The following TELO2 variants were observed in gnomAD, a reference collection of about 807,000 sequenced individuals.
The protein encoded by TELO2 is telomere length regulation protein TEL2 homolog.
Under a neutral mutation model 91.0 loss-of-function variants are expected in TELO2, and 71 were observed. That is an observed-to-expected ratio of 0.78 (90% CI 0.64 to 0.95). TELO2 has a LOEUF of 0.95. Ranked by LOEUF, TELO2 falls within the 40% of genes least tolerant of loss-of-function variation. TELO2 has a pLI of 0.00. For missense variants in TELO2, 1,183 were observed against 1,141.3 expected (o/e 1.04, Z -0.53); for synonymous variants, 584 against 518.9 (o/e 1.13, Z -1.71).
rs114292721 is a variant in TELO2, at chr16:1,503,897, C to A, written c.1842+895C>A. Among the ~76,000 whole-genome samples, 714 of 151,452 alleles carry A rather than the reference C, an allele frequency of 4.7e-3. 9 individuals carry two copies. The highest frequency in any genetic ancestry group is 0.016 in the African/African-American group (672 of 41,244). On this transcript the variant is annotated intron_variant, in intron 15 of 20. Coordinates refer to ENST00000262319, the MANE Select transcript of TELO2 (RefSeq NM_016111.4). ...CTGTCATCCCAGTGCTGTGGGAGAC[C>A]AAAGTGGGAGGATTGCTCAAGCCCA...
intron 18 of TELO2, 28 bp from the exon 19 acceptor site, chr16:1,507,278 C>A: frequency 6.2e-7 from 1 of 1,604,582 alleles, no homozygotes; most frequent in East Asian, 2.2e-5. Context: ...GTCGGGACCC[C>A]ACTGACTGTC....
In TELO2 at chr16:1,497,389, G is replaced by C; in HGVS notation, c.711G>C (p.Arg237=). ...QQEILGVLVP[R]LAALTQGSYL... is the part of the protein sequence containing the mutation. ...AGATCCTGGGCGTGCTGGTACCCCG[G>C]CTGGCAGCGCTCACCCAGGGCAGCT... The change falls in exon 5 of 21, where the codon CGG becomes CGC. Residue 237 remains arginine, a synonymous_variant. Transcript: ENST00000262319. The surrounding 1 kb of genome is among the most constrained non-coding windows in gnomAD (Gnocchi z 4.0). The C allele has an allele frequency of 1.3e-6, 2 of 1,549,786 alleles. No individual in the cohort carries two copies. The highest frequency in any genetic ancestry group is 1.7e-6 in the Non-Finnish European group (2 of 1,146,906).
intron 5 of TELO2, 118 bp from the exon 6 acceptor site, chr16:1,499,113 G>A (rs1245678426): frequency 1.0e-6 from 1 of 961,124 alleles, no homozygotes; most frequent in Non-Finnish European, 1.6e-6. Flanking sequence ...AGAGGCTCGT[G>A]GCTAGGAATT....
chr16:1,506,273 C>A lies in TELO2; in HGVS notation c.2070C>A (p.Ser690Arg). The A allele has an allele frequency of 6.2e-7, 1 of 1,613,894 alleles. No homozygotes were observed. The highest frequency in any genetic ancestry group is 1.1e-5 in the South Asian group (1 of 91,084). ...GGCAGGGCCCGGCAGGCAGCCCCAG[C>A]AGATTCAACTCCGTGGCCGGCCACT... ...GPRQGPAGSP[S>R]RFNSVAGHFF... The change falls in exon 17 of 21, where the codon AGC becomes AGA. Residue 690 changes from serine to arginine, a missense_variant. Ser to Arg is a moderately radical substitution (Grantham distance 110). Transcript: ENST00000262319.
Position 1,495,634 on chromosome 16 carries a change from G to A in TELO2, c.613+11G>A, listed in dbSNP as rs1444429541. On this transcript the variant is annotated intron_variant, in intron 3 of 20. Transcript: ENST00000262319. Reference sequence around the variant, plus strand: ...TGGACTCTCTCCAAGGTGAGGCCCTGCCTCGGGGACCCCCTTTGCCACCCG... The same window carrying A: ...TGGACTCTCTCCAAGGTGAGGCCCTACCTCGGGGACCCCCTTTGCCACCCG... 1.3e-6 allele frequency: 2 copies of A among 1,574,178 alleles called. No individual in the cohort carries two copies. Among genetic ancestry groups the A allele is most frequent in the Admixed American group, 1.7e-5 (1 of 57,392 alleles).
rs2039632485 is a variant in TELO2 at position 1,500,346 on chromosome 16, G to A, written c.1003-1G>A. 1 of 1,585,564 alleles carries A rather than the reference G, an allele frequency of 6.3e-7. No individual in the cohort carries two copies. The highest frequency in any genetic ancestry group is 1.1e-5 in the South Asian group (1 of 88,018). Reference sequence around the variant, plus strand: ...ACAGTCGTGGGCCATGCCACCTGCAGGTGCTGAAGGAGCTGTTGGAGACGT... The same window carrying A: ...ACAGTCGTGGGCCATGCCACCTGCAAGTGCTGAAGGAGCTGTTGGAGACGT... On this transcript the variant is annotated splice_acceptor_variant, in intron 7 of 20. Transcript: ENST00000262319. LOFTEE classifies it high-confidence loss of function.
chr16:1,503,732 G>C (rs894159543), intron 15 of TELO2, among the ~76,000 whole-genome samples: 1 of 152,166 alleles, frequency 6.6e-6, no homozygotes, highest in East Asian at 1.9e-4. Flanking sequence ...AGGGTTTCAC[G>C]GGGACAGTTT....
chr16:1,495,231 C>T (rs543086845), intron 2 of TELO2, 115 bp from the exon 3 acceptor site: 67 of 1,389,406 alleles, frequency 4.8e-5, no homozygotes, highest in East Asian at 1.5e-4. Flanking sequence ...TTGGACTTCA[C>T]GCTGGTTATG....
chr16:1,497,316 G>C lies in TELO2; in HGVS notation c.683-45G>C. The C allele has an allele frequency of 6.6e-7, 1 of 1,512,024 alleles. No individual in the cohort carries two copies. The allele number at this position is 1,512,024 out of a possible 1,614,324, so 93.7% of individuals were successfully genotyped here. A position where few individuals can be genotyped will look rare whatever the true frequency, so the allele number is the denominator to read the frequency against. ...GGACCCACACAGCCCCAGACACCAG[G>C]TGGGTGCAGCTCCCCAGGCTCAGGT... On this transcript the variant is annotated intron_variant, in intron 4 of 20. Transcript: ENST00000262319. The surrounding 1 kb of genome is among the most constrained non-coding windows in gnomAD (Gnocchi z 4.0).
At position 1,507,354 on chromosome 16, in the gene TELO2, C is replaced by A; in HGVS notation, c.2275C>A (p.Arg759Ser). 6.2e-7 allele frequency: 1 copy of A among 1,611,040 alleles called. No individual in the cohort carries two copies. Among genetic ancestry groups the A allele is most frequent in the Non-Finnish European group, 8.5e-7 (1 of 1,179,920 alleles). The change falls in exon 19 of 21, where the codon CGC becomes AGC. Residue 759 changes from arginine to serine, a missense_variant. Physicochemically the swap from Arg to Ser is moderately radical, Grantham distance 110 (BLOSUM62 -1). Coordinates refer to ENST00000262319, the MANE Select transcript of TELO2 (RefSeq NM_016111.4). ...CCTGCTGGAATTCGTGTGGGCCCTT[C>A]GCTTCCACATCGATGCGTGAGTGGC... is the stretch of plus-strand genomic sequence containing the variant. ...KALLEFVWAL[R>S]FHIDAYVRQG...
chr16:1,500,504 G>T lies in TELO2; in HGVS notation c.1144+16G>T. Reference sequence around the variant, plus strand: ...AGCCGGGATGGTGAGCGGGTGGTTTGGGCTCCCCCCGGCCTCGGGCGCCCC... The same window carrying T: ...AGCCGGGATGGTGAGCGGGTGGTTTTGGCTCCCCCCGGCCTCGGGCGCCCC... On this transcript the variant is annotated intron_variant, in intron 8 of 20. Coordinates refer to ENST00000262319, the MANE Select transcript of TELO2 (RefSeq NM_016111.4). 2 of 1,609,718 alleles carry T rather than the reference G, an allele frequency of 1.2e-6. No homozygotes were observed. Among genetic ancestry groups the T allele is most frequent in the East Asian group, 2.2e-5 (1 of 44,750 alleles).
Position 1,495,635 on chromosome 16 carries a change from C to T in TELO2, c.613+12C>T, listed in dbSNP as rs1280265940. 3.2e-6 allele frequency: 5 copies of T among 1,571,898 alleles called. No individual in the cohort carries two copies. The highest frequency in any genetic ancestry group is 1.8e-5 in the Admixed American group (1 of 57,120). On this transcript the variant is annotated intron_variant, in intron 3 of 20. Coordinates refer to ENST00000262319, the MANE Select transcript of TELO2 (RefSeq NM_016111.4). ...GGACTCTCTCCAAGGTGAGGCCCTG[C>T]CTCGGGGACCCCCTTTGCCACCCGT...
At chr16:1,506,180 G>A in intron 16 of TELO2, 58 bp from the exon 17 acceptor site, 1 of 1,577,846 alleles carries the variant, frequency 6.3e-7, no homozygotes, top group Non-Finnish European at 8.7e-7. Flanking sequence ...CGGGCTAGGG[G>A]TGCCGTGCCC....
chr16:1,497,388 G>C lies in TELO2; in HGVS notation c.710G>C (p.Arg237Pro), dbSNP rs778209728. Residue 237 changes from arginine (R) to proline (P), a missense_variant, in exon 5 of 21, where the codon CGG (arginine) becomes CCG (proline). Coordinates refer to ENST00000262319, the MANE Select transcript of TELO2 (RefSeq NM_016111.4). The surrounding 1 kb of genome is among the most constrained non-coding windows in gnomAD (Gnocchi z 4.0). ...QQEILGVLVP[R>P]LAALTQGSYL... ...GAGATCCTGGGCGTGCTGGTACCCC[G>C]GCTGGCAGCGCTCACCCAGGGCAGC... The C allele has an allele frequency of 6.5e-7, 1 of 1,549,716 alleles. No homozygotes were observed. Among genetic ancestry groups the C allele is most frequent in the South Asian group, 1.2e-5 (1 of 83,954 alleles).
In TELO2 at chr16:1,495,399, A is replaced by C. The variant is rs1324666317; in HGVS notation, c.389A>C (p.Glu130Ala). Residue 130 changes from glutamate (E) to alanine (A), a missense_variant, in exon 3 of 21, where the codon GAG (glutamate) becomes GCG (alanine). Physicochemically the swap from Glu to Ala is moderately radical, Grantham distance 107. Transcript: ENST00000262319. Reference protein sequence around the residue: ...MARLLARFLREGRLAVLMEAQ... With the variant: ...MARLLARFLRAGRLAVLMEAQ... ...CGGCTGCTGGCCAGATTCCTGCGCGAGGGCCGGCTGGCAGTGCTGATGGAG... is the reference window on the plus strand; with the variant it reads ...CGGCTGCTGGCCAGATTCCTGCGCGCGGGCCGGCTGGCAGTGCTGATGGAG... 6.3e-7 allele frequency: 1 copy of C among 1,582,952 alleles called. No homozygotes were observed. The highest frequency in any genetic ancestry group is 1.8e-5 in the Admixed American group (1 of 55,278).
chr16:1,495,725 C>G lies in TELO2; in HGVS notation c.613+102C>G. ...ACGGCCTCTGGAGACTTTGGAGTCT[C>G]TGGTTGATGCCGTCAGGCAGGTGGG... On this transcript the variant is annotated intron_variant, in intron 3 of 20. Coordinates refer to ENST00000262319, the MANE Select transcript of TELO2 (RefSeq NM_016111.4). 4.8e-6 allele frequency: 7 copies of G among 1,450,722 alleles called. No individual in the cohort carries two copies. The South Asian group carries it at 8.2e-5, about 17-fold the overall frequency. The allele number at this position is 1,450,722 out of a possible 1,614,324, so 89.9% of individuals were successfully genotyped here. A position where few individuals can be genotyped will look rare whatever the true frequency, so the allele number is the denominator to read the frequency against.
At chr16:1,499,570 C>T (rs945017630) in intron 6 of TELO2, among the ~76,000 whole-genome samples, 8 of 149,802 alleles carry the variant, frequency 5.3e-5, no homozygotes, top group South Asian at 2.2e-4. Flanking sequence ...AGAAGCCACC[C>T]GCCCTAGCTG....
Position 1,495,574 on chromosome 16 carries a change from C to T in TELO2, c.564C>T (p.Leu188=), listed in dbSNP as rs562894274. ...TCCCCCAGAACTACTTCCGCCTGCT[C>T]GGCGAGGAGGTCGTCCGGGTGCTGC... The part of the protein sequence containing the change: ...EFFPQNYFRL[L]GEEVVRVLQA... Residue 188 remains leucine (L), a synonymous_variant, in exon 3 of 21, where the codon CTC becomes CTT. Transcript: ENST00000262319. 8 of 1,609,778 alleles carry T rather than the reference C, an allele frequency of 5.0e-6. No homozygotes were observed. Among genetic ancestry groups the T allele is most frequent in the African/African-American group, 1.3e-5 (1 of 75,022 alleles).
In TELO2 at chr16:1,505,319, G is replaced by C. The variant is rs995438922; in HGVS notation, c.1843-91G>C. 2 of 1,465,558 alleles carry C rather than the reference G, an allele frequency of 1.4e-6. No homozygotes were observed. The highest frequency in any genetic ancestry group is 1.8e-6 in the Non-Finnish European group (2 of 1,092,328). The allele number at this position is 1,465,558 out of a possible 1,614,324, so 90.8% of individuals were successfully genotyped here. A position where few individuals can be genotyped will look rare whatever the true frequency, so the allele number is the denominator to read the frequency against. On this transcript the variant is annotated intron_variant, in intron 15 of 20. Transcript: ENST00000262319. The surrounding 1 kb of genome is among the most constrained non-coding windows in gnomAD (Gnocchi z 4.3). The stretch of plus-strand genomic sequence containing the variant: ...CTTCTCCCAGGCTGGGCGGGCCCCC[G>C]GGCCCGTTTCTGGGGCTTTGGCTGA...
Sources: gnomAD v4.1 joint callset for allele counts (sites outside exome capture counted in the v4.1 genomes callset) on GRCh38, gnomAD v4.1.1 for gene constraint, Gnocchi (gnomAD v3.1) non-coding constraint, MANE v1.5 for transcripts, NCBI Gene and HGNC (gene_info 2026-07-23, HGNC 2026-07-21) for gene names.